The following TTLL5 variants were observed in gnomAD, a reference collection of about 807,000 sequenced individuals.
TTLL5 encodes tubulin tyrosine ligase like 5.
A neutral mutation model predicts 168.4 loss-of-function variants in TTLL5; 132 were observed. The ratio of observed to expected loss-of-function variants is 0.78; its 90% CI spans 0.68 to 0.91. TTLL5 has a LOEUF of 0.91. TTLL5 is among the 40% of genes least tolerant of loss of function. The pLI, the probability that TTLL5 is intolerant of heterozygous loss-of-function variation, is 0.00. For synonymous variants in TTLL5, 546 were observed against 558.6 expected, an observed-to-expected ratio of 0.98 and a Z score of 0.32; for missense variants, 1,545 against 1,581.5, an observed-to-expected ratio of 0.98 and a Z score of 0.39.
At chr14:75,727,664 G>C (rs1366604266) in intron 12 of TTLL5, among the ~76,000 whole-genome samples, 1 of 152,164 alleles carries the variant, frequency 6.6e-6, no homozygotes, top group Admixed American at 6.5e-5. Flanking sequence ...TGAATTTATT[G>C]TATGTAAATT....
intron 18 of TTLL5, 103 bp from the exon 19 acceptor site, chr14:75,764,512 C>T: frequency 2.9e-6 from 4 of 1,365,904 alleles, no homozygotes; most frequent in Non-Finnish European, 4.1e-6. Flanking sequence ...ACTTGAGTTA[C>T]CATGTCCAGT....
In TTLL5 at chr14:75,783,173, G is replaced by A. The variant is rs112181538; in HGVS notation, c.2629G>A (p.Ala877Thr). The A allele has an allele frequency of 1.2e-3, 2,001 of 1,611,696 alleles. 28 individuals are homozygous for A. In the African/African-American group the frequency reaches 0.024, roughly 19 times the overall value. ...SRFTTSAEKE[A>T]KLVYSNSSSG... is the part of the protein sequence containing the mutation. ...ATTTACCACTTCAGCAGAAAAAGAG[G>A]CAAAATTAGTTTATAGCAATTCCTC... The change falls in exon 26 of 32, where the codon GCA becomes ACA. Residue 877 changes from alanine (A) to threonine (T), a missense_variant. Ala to Thr is a moderately conservative substitution (Grantham distance 58). Coordinates refer to ENST00000298832, the MANE Select transcript of TTLL5 (RefSeq NM_015072.5).
At position 75,699,277 on chromosome 14, in the gene TTLL5, A is replaced by G. The variant is rs1227493244; in HGVS notation, c.585+7A>G. The G allele has an allele frequency of 1.9e-6, 3 of 1,612,306 alleles. No individual in the cohort carries two copies. The highest frequency in any genetic ancestry group is 2.5e-6 in the Non-Finnish European group (3 of 1,178,598). On this transcript the variant is annotated splice_region_variant and intron_variant, in intron 7 of 31. Coordinates refer to ENST00000298832, the MANE Select transcript of TTLL5 (RefSeq NM_015072.5). Reference sequence around the variant, plus strand: ...CGTCTACCTGATCAACAATGTAAGTATGCAGCAGATGGCAAACCTCTCTCC... The same window carrying G: ...CGTCTACCTGATCAACAATGTAAGTGTGCAGCAGATGGCAAACCTCTCTCC...
Position 75,690,298 on chromosome 14 carries a change from C to G in TTLL5, c.478C>G (p.Pro160Ala). ...CATCCTCCCCCAGACCTTCCTCCTG[C>G]CAGCTGAGTACGCGGAATTTTGTAG... ...FHILPQTFLLPAEYAEFCNSY... is the reference protein window; with the variant it reads ...FHILPQTFLLAAEYAEFCNSY... The change falls in exon 6 of 32, where the codon CCA becomes GCA. Residue 160 changes from proline to alanine, a missense_variant. Coordinates refer to ENST00000298832, the MANE Select transcript of TTLL5 (RefSeq NM_015072.5). 3 of 1,608,670 alleles carry G rather than the reference C, an allele frequency of 1.9e-6. No homozygotes were observed. Among genetic ancestry groups the G allele is most frequent in the Non-Finnish European group, 2.5e-6 (3 of 1,177,898 alleles).
intron 29 of TTLL5, among the ~76,000 whole-genome samples, chr14:75,865,048 G>A (rs773225461): frequency 1.3e-5 from 2 of 151,914 alleles, no homozygotes; most frequent in Non-Finnish European, 2.9e-5. Flanking sequence ...TGTAAGTGCC[G>A]GCATTTGCAA....
At position 75,807,041 on chromosome 14, in the gene TTLL5, GTTCT is replaced by G. The variant is rs1437144224; in HGVS notation, c.3172-12961_3172-12958del. On this transcript the variant is annotated intron_variant, in intron 27 of 31. Coordinates refer to ENST00000298832, the MANE Select transcript of TTLL5 (RefSeq NM_015072.5). ...GTTTTGCACTAAACTACATGATGCA[GTTCT>G]TTCTAACTCATCACCTAGCGCAAGG... 2.0e-5 allele frequency among the ~76,000 whole-genome samples: 3 copies of G among 152,124 alleles called. No homozygotes were observed. The South Asian group carries it at 6.2e-4, about 32-fold the overall frequency.
intron 31 of TTLL5, among the ~76,000 whole-genome samples, chr14:75,933,196 G>A (rs2034329822): frequency 6.6e-6 from 1 of 152,142 alleles, no homozygotes; most frequent in Admixed American, 6.5e-5. Flanking sequence ...AGTGGCTCAC[G>A]CTTATAATCC....
chr14:75,755,975 AC>A (rs1180788714), intron 18 of TTLL5, among the ~76,000 whole-genome samples: 1 of 111,954 alleles, frequency 8.9e-6, no homozygotes, highest in East Asian at 3.1e-4. Flanking sequence ...TGTCCTGGCC[AC>A]CCCCCCACCG....
chr14:75,896,692 A>G (rs186898392), intron 30 of TTLL5, among the ~76,000 whole-genome samples: 8 of 152,344 alleles, frequency 5.3e-5, no homozygotes, highest in Admixed American at 4.6e-4. Flanking sequence ...GTAATGAACA[A>G]AACAGACCTT....
At position 75,771,804 on chromosome 14, in the gene TTLL5, G is replaced by A. The variant is rs1158701238; in HGVS notation, c.2086G>A (p.Gly696Ser). ...TCAAATTCGCCTGATGAAAGACAGT[G>A]GCGGTCAGACGTTCAGTGCCAGTTG... ...HVQIRLMKDS[G>S]GQTFSASWAA... is the part of the protein sequence containing the mutation. The change falls in exon 21 of 32, where the codon GGC (glycine) becomes AGC (serine). Residue 696 changes from glycine to serine, a missense_variant. Coordinates refer to ENST00000298832, the MANE Select transcript of TTLL5 (RefSeq NM_015072.5). 1 of 1,614,072 alleles carries A rather than the reference G, an allele frequency of 6.2e-7. No individual in the cohort carries two copies. Among genetic ancestry groups the A allele is most frequent in the Non-Finnish European group, 8.5e-7 (1 of 1,179,968 alleles).
At chr14:75,771,002 T>G (rs1028667101) in intron 20 of TTLL5, among the ~76,000 whole-genome samples, 1 of 152,206 alleles carries the variant, frequency 6.6e-6, no homozygotes, top group Non-Finnish European at 1.5e-5. Context: ...AATCCACACT[T>G]TTGCTTTTGT....
chr14:75,757,787 C>G (rs767530978), intron 18 of TTLL5: 1 of 1,551,730 alleles, frequency 6.4e-7, no homozygotes, highest in Non-Finnish European at 8.7e-7. Flanking sequence ...GAGAGACTAC[C>G]TGAATAGCAT....
intron 31 of TTLL5, among the ~76,000 whole-genome samples, chr14:75,904,686 C>T (rs912445709): frequency 1.3e-5 from 2 of 152,150 alleles, no homozygotes; most frequent in Non-Finnish European, 2.9e-5. Context: ...AGTGACCTTT[C>T]CCTGCTAATT....
intron 18 of TTLL5, among the ~76,000 whole-genome samples, chr14:75,760,073 A>G (rs1890536216): frequency 6.6e-6 from 1 of 152,076 alleles, no homozygotes. Context: ...CTATTTTTGG[A>G]TGACACGATC....
intron 29 of TTLL5, among the ~76,000 whole-genome samples, chr14:75,868,890 T>C (rs2030761365): frequency 6.6e-6 from 1 of 152,116 alleles, no homozygotes; most frequent in African/African-American, 2.4e-5. Context: ...GGCAATAACA[T>C]GCTAGCTCCT....
rs552134181 is a variant in TTLL5, at chr14:75,766,351, A to G, written c.1998A>G (p.Gln666=). The G allele has an allele frequency of 3.7e-6, 6 of 1,610,614 alleles. No homozygotes were observed. The African/African-American group carries it at 8.0e-5, about 22-fold the overall frequency. ...AATTTAACCTGATGCAGATTCTTCA[A>G]GATAATGGCAATCTTAGGTATGTAT... ...EPKFNLMQIL[Q]DNGNLSKMQA... Residue 666 remains glutamine, a synonymous_variant, in exon 20 of 32, where the codon CAA becomes CAG. Coordinates refer to ENST00000298832, the MANE Select transcript of TTLL5 (RefSeq NM_015072.5).
chr14:75,872,112 C>A (rs1405735812), intron 29 of TTLL5, among the ~76,000 whole-genome samples: 1 of 152,206 alleles, frequency 6.6e-6, no homozygotes, highest in Non-Finnish European at 1.5e-5. Context: ...AGCTTTCTAT[C>A]TGGGGTCATG....
chr14:75,670,941 T>C (rs1883690700), intron 3 of TTLL5, among the ~76,000 whole-genome samples: 1 of 152,260 alleles, frequency 6.6e-6, no homozygotes, highest in Non-Finnish European at 1.5e-5. Flanking sequence ...TTTTGTTGCT[T>C]ATATTCTTTG....
intron 7 of TTLL5, among the ~76,000 whole-genome samples, chr14:75,700,472 G>A (rs1886189906): frequency 6.6e-6 from 1 of 152,152 alleles, no homozygotes; most frequent in African/African-American, 2.4e-5. Context: ...ATGAGCACGT[G>A]CACAGCTGCA....
Sources: gnomAD v4.1 joint callset for allele counts (sites outside exome capture counted in the v4.1 genomes callset) on GRCh38, gnomAD v4.1.1 for gene constraint, MANE v1.5 for transcripts, NCBI Gene and HGNC (gene_info 2026-07-23, HGNC 2026-07-21) for gene names.